PSAT1: variants seen among roughly 807,000 people sequenced by gnomAD.
PSAT1 encodes phosphoserine aminotransferase 1, also known as phosphoserine aminotransferase.
Under a neutral mutation model 40.3 loss-of-function variants are expected in PSAT1, and 41 were observed. The ratio of observed to expected loss-of-function variants is 1.02; its 90% CI spans 0.79 to 1.32. The LOEUF is 1.32. Ranked by LOEUF, PSAT1 falls within the 40% of genes most tolerant of loss-of-function variation. PSAT1 has a pLI of 0.00. For missense variants in PSAT1, 406 were observed against 455.8 expected, an observed-to-expected ratio of 0.89 and a Z score of 0.99; for synonymous variants, 147 against 170.5, an observed-to-expected ratio of 0.86 and a Z score of 1.07.
Position 78,308,403 on chromosome 9 carries a change from CTCTTTT to C in PSAT1, c.571-9_571-4del. 3.7e-6 allele frequency: 6 copies of C among 1,612,664 alleles called. No individual in the cohort carries two copies. The highest frequency in any genetic ancestry group is 5.1e-6 in the Non-Finnish European group (6 of 1,179,328). ...AATCCTTCTTAAGCAGCATGTCTTT[CTCTTTT>C]TAAGTTTGGTGTGATTTTTGCTGGT... is the stretch of plus-strand genomic sequence containing the variant. On this transcript the variant is annotated splice_polypyrimidine_tract_variant and splice_region_variant and intron_variant, in intron 5 of 8. Transcript: ENST00000376588.
Position 78,304,936 on chromosome 9 carries a change from T to G in PSAT1, c.393T>G (p.Tyr131Ter), listed in dbSNP as rs370268538. ...TCGTTCACCCTAAACTTGGGAGTTA[T>G]ACAAGTAAGTTCTGGGAGCTGAGCT... The part of the protein sequence containing the change: ...INIVHPKLGS[Y>*]TKIPDPSTWN... Residue 131 changes from tyrosine (Y) to a stop codon, truncating the protein, a stop_gained, in exon 4 of 9, where the codon TAT becomes TAG. Coordinates refer to ENST00000376588, the MANE Select transcript of PSAT1 (RefSeq NM_058179.4). LOFTEE classifies it high-confidence loss of function. 6.2e-7 allele frequency: 1 copy of G among 1,612,330 alleles called. No homozygotes were observed. Among genetic ancestry groups the G allele is most frequent in the South Asian group, 1.1e-5 (1 of 91,006 alleles).
chr9:78,313,851 T>C (rs1374604261), intron 6 of PSAT1, among the ~76,000 whole-genome samples: 1 of 152,160 alleles, frequency 6.6e-6, no homozygotes, highest in East Asian at 1.9e-4. Flanking sequence ...CTCAATATGT[T>C]GTCCAGGCTG....
intron 6 of PSAT1, among the ~76,000 whole-genome samples, chr9:78,310,203 A>G (rs1305943365): frequency 3.3e-5 from 5 of 152,128 alleles, no homozygotes; most frequent in African/African-American, 9.7e-5. Flanking sequence ...CAACTACCCT[A>G]GTAGGTAGCC....
chr9:78,329,220 A>G lies in PSAT1; in HGVS notation c.*134A>G. ...TTATTGCAGATTCTTCTTTTTTGAA[A>G]GAACAACAGCAAAACATCCACAACT... On this transcript the variant is annotated 3_prime_UTR_variant, in exon 9 of 9. Coordinates refer to ENST00000376588, the MANE Select transcript of PSAT1 (RefSeq NM_058179.4). 1 of 709,546 alleles carries G rather than the reference A, an allele frequency of 1.4e-6. No individual in the cohort carries two copies. Among genetic ancestry groups the G allele is most frequent in the South Asian group, 1.6e-5 (1 of 63,812 alleles). 44.0% of individuals were successfully genotyped at this position (709,546 alleles called of 1,614,324 possible).
At chr9:78,328,258 A>T (rs1373590596) in intron 8 of PSAT1, 70 bp downstream of exon 8, 51 of 1,588,464 alleles carry the variant, frequency 3.2e-5, no homozygotes, top group Non-Finnish European at 4.2e-5. Flanking sequence ...AATAAAACAA[A>T]TCTATAGGAG....
chr9:78,320,591 C>G (rs1828415134), intron 7 of PSAT1, among the ~76,000 whole-genome samples: 2 of 150,954 alleles, frequency 1.3e-5, no homozygotes, highest in African/African-American at 4.9e-5. Flanking sequence ...ATCTATCTAC[C>G]CACTTGTCCA....
chr9:78,305,549 G>T (rs1437040663), intron 4 of PSAT1, among the ~76,000 whole-genome samples: 1 of 152,182 alleles, frequency 6.6e-6, no homozygotes, highest in Non-Finnish European at 1.5e-5. Context: ...CCAGGACCTG[G>T]TGGCTCCACA....
chr9:78,303,531 G>A (rs1333035174), intron 3 of PSAT1, among the ~76,000 whole-genome samples: 6 of 151,986 alleles, frequency 3.9e-5, no homozygotes, highest in Admixed American at 2.6e-4. Flanking sequence ...CCTAGACCTC[G>A]GCCTGGTTTC....
intron 7 of PSAT1, among the ~76,000 whole-genome samples, chr9:78,326,058 C>A (rs1432476735): frequency 6.6e-6 from 1 of 152,140 alleles, no homozygotes; most frequent in Non-Finnish European, 1.5e-5. Flanking sequence ...AGCCGTGAAA[C>A]CTACCACTTC....
chr9:78,317,036 G>GC (rs1485757429), intron 6 of PSAT1, among the ~76,000 whole-genome samples: 1 of 152,200 alleles, frequency 6.6e-6, no homozygotes, highest in Non-Finnish European at 1.5e-5. Flanking sequence ...GTCTGCTGAT[G>GC]CCTTCTGGTG....
At chr9:78,303,037 T>C (rs1828131022) in intron 3 of PSAT1, among the ~76,000 whole-genome samples, 1 of 152,132 alleles carries the variant, frequency 6.6e-6, no homozygotes, top group African/African-American at 2.4e-5. Flanking sequence ...TTTTTCCTGC[T>C]CACAGAAATA....
rs113824905 is a variant in PSAT1 at position 78,328,097 on chromosome 9, C to T, written c.916C>T (p.Arg306Cys). The T allele has an allele frequency of 8.4e-5, 135 of 1,611,124 alleles. 1 individual carries two copies. In the East Asian group the frequency reaches 1.8e-3, roughly 21 times the overall value. ...QNRSKMNIPF[R>C]IGNAKGDDAL... ...TAGAAGCAAGATGAATATTCCATTC[C>T]GCATTGGCAATGCCAAAGGAGATGA... is the stretch of plus-strand genomic sequence containing the variant. Residue 306 changes from arginine to cysteine, a missense_variant, in exon 8 of 9, where the codon CGC (arginine) becomes TGC (cysteine). Physicochemically the swap from Arg to Cys is radical, Grantham distance 180. Coordinates refer to ENST00000376588, the MANE Select transcript of PSAT1 (RefSeq NM_058179.4).
Position 78,297,385 on chromosome 9 carries a change from A to T in PSAT1, c.60+115A>T, listed in dbSNP as rs559885904. ...TCCCGCTCCCTGCCTTGAGTCCCCT[A>T]GGCGCTTTGCATCAGCGTGCACAGC... On this transcript the variant is annotated intron_variant, in intron 1 of 8. Transcript: ENST00000376588. 4 of 1,251,364 alleles carry T rather than the reference A, an allele frequency of 3.2e-6. No homozygotes were observed. The Admixed American group carries it at 7.9e-5, about 25-fold the overall frequency. 77.5% of individuals were successfully genotyped at this position (1,251,364 alleles called of 1,614,324 possible).
chr9:78,323,936 T>C (rs1032032893), intron 7 of PSAT1, among the ~76,000 whole-genome samples: 1 of 152,196 alleles, frequency 6.6e-6, no homozygotes, highest in Non-Finnish European at 1.5e-5. Context: ...GGGGCCTGAC[T>C]GTGGAGTGAT....
At chr9:78,320,087 C>T (rs1343658812) in intron 7 of PSAT1, among the ~76,000 whole-genome samples, 2 of 151,854 alleles carry the variant, frequency 1.3e-5, no homozygotes, top group Non-Finnish European at 2.9e-5. Flanking sequence ...ATCTATTCAT[C>T]TACCACCTGC....
At chr9:78,298,905 G>T (rs921420550) in intron 1 of PSAT1, among the ~76,000 whole-genome samples, 4 of 152,160 alleles carry the variant, frequency 2.6e-5, no homozygotes, top group Admixed American at 6.5e-5. Context: ...CTTATGAAAT[G>T]ATGTGTAGCC....
chr9:78,324,936 T>C (rs767024071), intron 7 of PSAT1, among the ~76,000 whole-genome samples: 21 of 152,140 alleles, frequency 1.4e-4, no homozygotes, highest in Admixed American at 6.5e-4. Context: ...GTACAGGCCC[T>C]AGTTCTTTTG....
At chr9:78,322,077 TATG>T (rs1828436710) in intron 7 of PSAT1, among the ~76,000 whole-genome samples, 1 of 151,054 alleles carries the variant, frequency 6.6e-6, no homozygotes, top group Non-Finnish European at 1.5e-5. Context: ...ATAAAGCAAT[TATG>T]ATATTCCTGA....
intron 4 of PSAT1, 63 bp downstream of exon 4, chr9:78,305,003 C>A: frequency 6.9e-7 from 1 of 1,459,780 alleles, no homozygotes. Context: ...CGACCCAGGG[C>A]AATCTGTAGT....
Sources: gnomAD v4.1 joint callset for allele counts (sites outside exome capture counted in the v4.1 genomes callset) on GRCh38, gnomAD v4.1.1 for gene constraint, MANE v1.5 for transcripts, NCBI Gene and HGNC (gene_info 2026-07-23, HGNC 2026-07-21) for gene names.